Variants in SYNE3 observed in about 807,000 individuals in gnomAD.
The protein encoded by SYNE3 is nesprin-3.
In SYNE3, 100 loss-of-function variants were observed where a neutral mutation model predicts 111.2. The ratio of observed to expected loss-of-function variants is 0.90; its 90% CI spans 0.77 to 1.06. The LOEUF is 1.06. SYNE3 is among the 50% of genes least tolerant of loss of function. SYNE3 has a pLI of 0.00. For synonymous variants in SYNE3, 547 were observed against 533.9 expected, an observed-to-expected ratio of 1.02 and a Z score of -0.34; for missense variants, 1,160 against 1,240.3, an observed-to-expected ratio of 0.94 and a Z score of 0.97.
In SYNE3 at chr14:95,455,397, C is replaced by T. The variant is rs781208017; in HGVS notation, c.1117G>A (p.Ala373Thr). Residue 373 changes from alanine (A) to threonine (T), a missense_variant, in exon 6 of 18, where the codon GCA becomes ACA. By Grantham distance (58) the Ala-to-Thr change is moderately conservative (BLOSUM62 0). Coordinates refer to ENST00000682763, the MANE Select transcript of SYNE3 (RefSeq NM_152592.6). ...AKAGTEDELVAHWRRYSATRA... is the reference protein window; with the variant it reads ...AKAGTEDELVTHWRRYSATRA... ...CTTACCGAGTAGCGTCTCCAGTGTG[C>T]CACCAGCTCGTCCTCGGTCCCCGCT... 6.8e-5 allele frequency: 106 copies of T among 1,549,986 alleles called. No homozygotes were observed. The highest frequency in any genetic ancestry group is 8.8e-5 in the Non-Finnish European group (101 of 1,148,830).
At chr14:95,445,163 TC>T (rs1207070286) in intron 9 of SYNE3, among the ~76,000 whole-genome samples, 2 of 151,914 alleles carry the variant, frequency 1.3e-5, no homozygotes, top group Non-Finnish European at 1.5e-5. Context: ...CCTTTCTTCA[TC>T]CCCCCAGCTC....
chr14:95,443,284 C>A lies in SYNE3; in HGVS notation c.1782G>T (p.Leu594=). 1.2e-6 allele frequency: 2 copies of A among 1,614,208 alleles called. No homozygotes were observed. The highest frequency in any genetic ancestry group is 3.3e-4 in the Middle Eastern group (2 of 6,054). The change falls in exon 11 of 18, where the codon CTG becomes CTT. Residue 594 remains leucine (L), a synonymous_variant. Transcript: ENST00000682763. ...CCCCCAAGTCCAGCCCCTCTTCCTG[C>A]AGCCCCTGCAGTAGAGAAGGGAACA... is the stretch of plus-strand genomic sequence containing the variant. ...KQAQLSRLQG[L]QEEGLDLGAQ...
At chr14:95,480,453 C>T (rs149935604) in intron 1 of SYNE3, among the ~76,000 whole-genome samples, 1,855 of 152,268 alleles carry the variant, frequency 0.012, 13 homozygotes, top group Middle Eastern at 0.031. Flanking sequence ...GGCTTGAGAC[C>T]GAGCCCATGC....
chr14:95,475,721 T>C lies in SYNE3; in HGVS notation c.101A>G (p.Gln34Arg), dbSNP rs370244222. 2.0e-4 allele frequency: 328 copies of C among 1,604,762 alleles called. No homozygotes were observed. Among genetic ancestry groups the C allele is most frequent in the Non-Finnish European group, 2.7e-4 (316 of 1,176,322 alleles). ...QDQLQVNDNT[Q>R]GPRAALEARL... ...GGCCTCCAGGGCCGCGCGGGGTCCC[T>C]GCGTGTTGTCATTGACCTGCAGCTG... The change falls in exon 2 of 18, where the codon CAG becomes CGG. Residue 34 changes from glutamine (Q) to arginine (R), a missense_variant. Gln to Arg is a conservative substitution (Grantham distance 43, BLOSUM62 1). Coordinates refer to ENST00000682763, the MANE Select transcript of SYNE3 (RefSeq NM_152592.6).
intron 2 of SYNE3, among the ~76,000 whole-genome samples, chr14:95,475,460 C>T (rs1265560374): frequency 6.6e-6 from 1 of 152,244 alleles, no homozygotes; most frequent in Admixed American, 6.5e-5. Context: ...ATGGTATCAC[C>T]TGGAACTTGT....
chr14:95,473,406 G>T (rs1380617997), intron 2 of SYNE3, among the ~76,000 whole-genome samples: 13 of 152,108 alleles, frequency 8.5e-5, no homozygotes, highest in Non-Finnish European at 2.9e-5. Context: ...GGGCACACAG[G>T]CAGGGCTGTG....
At chr14:95,480,839 C>T (rs1271218235) in intron 1 of SYNE3, among the ~76,000 whole-genome samples, 2 of 152,252 alleles carry the variant, frequency 1.3e-5, no homozygotes, top group African/African-American at 4.8e-5. Flanking sequence ...ACGTGAGGCC[C>T]TTGTCCAAAA....
chr14:95,428,393 A>C (rs1418798625), intron 17 of SYNE3, among the ~76,000 whole-genome samples: 1 of 152,246 alleles, frequency 6.6e-6, no homozygotes, highest in Non-Finnish European at 1.5e-5. Context: ...ACATTGTAAT[A>C]AGACACCCGA....
At chr14:95,506,437 G>A (rs926503810) in intron 1 of SYNE3, among the ~76,000 whole-genome samples, 4 of 152,228 alleles carry the variant, frequency 2.6e-5, no homozygotes, top group Admixed American at 6.5e-5. Context: ...CTGTGCACAC[G>A]GGCGCAGGCT....
intron 7 of SYNE3, 140 bp downstream of exon 7, chr14:95,452,107 T>C (rs1887121205): frequency 1.8e-6 from 2 of 1,104,796 alleles, no homozygotes; most frequent in African/African-American, 3.1e-5. Context: ...TGAGAACCTC[T>C]AAAAGCCAGT....
rs1485919598 is a variant in SYNE3 at position 95,455,551 on chromosome 14, C to T, written c.963G>A (p.Glu321=). 1.2e-6 allele frequency: 2 copies of T among 1,608,176 alleles called. No individual in the cohort carries two copies. Among genetic ancestry groups the T allele is most frequent in the East Asian group, 2.2e-5 (1 of 44,772 alleles). ...KLRALWEEEE[E]RLRGLLRSRG... Reference sequence around the variant, plus strand: ...TGGACCGGAGCAGGCCCCGCAGCCGCTCCTCCTCCTCCTCCCAGAGGGCGC... The same window carrying T: ...TGGACCGGAGCAGGCCCCGCAGCCGTTCCTCCTCCTCCTCCCAGAGGGCGC... Residue 321 remains glutamate, a synonymous_variant, in exon 6 of 18, where the codon GAG becomes GAA. Transcript: ENST00000682763.
chr14:95,444,507 T>C lies in SYNE3; in HGVS notation c.1754A>G (p.Gln585Arg), dbSNP rs535952387. ...CACCTGCAACCTTGAGAGCTGGGCC[T>C]GTTTTCCAGGAAGGTCCCGCTGAAG... ...KGLQRDLPGK[Q>R]AQLSRLQGLQ... Residue 585 changes from glutamine (Q) to arginine (R), a missense_variant, in exon 10 of 18, where the codon CAG (glutamine) becomes CGG (arginine). Transcript: ENST00000682763. 2.5e-6 allele frequency: 4 copies of C among 1,612,520 alleles called. No individual in the cohort carries two copies. The African/African-American group carries it at 4.0e-5, about 16-fold the overall frequency.
chr14:95,409,232 G>A lies in SYNE3; in HGVS notation c.*8594C>T. On this transcript the variant is annotated 3_prime_UTR_variant, in exon 18 of 18. Transcript: ENST00000682763. ...CTCCCCGCCTAGCTGGCTGCTCTGA[G>A]GCAGGCTGCTGACCCTCTCCACACT... 1 of 456,696 alleles carries A rather than the reference G, an allele frequency of 2.2e-6. No homozygotes were observed. Among genetic ancestry groups the A allele is most frequent in the South Asian group, 1.5e-5 (1 of 64,574 alleles). The allele number at this position is 456,696 out of a possible 1,614,324, so 28.3% of individuals were successfully genotyped here.
At chr14:95,441,895 A>G (rs1886436276) in intron 11 of SYNE3, among the ~76,000 whole-genome samples, 1 of 152,206 alleles carries the variant, frequency 6.6e-6, no homozygotes, top group Admixed American at 6.5e-5. Context: ...GTGGAGTGAG[A>G]GGGATGGGTG....
chr14:95,420,815 AG>A (rs936539555), intron 17 of SYNE3, among the ~76,000 whole-genome samples: 1 of 151,138 alleles, frequency 6.6e-6, no homozygotes, highest in African/African-American at 2.5e-5. Flanking sequence ...CAAAGAGAGA[AG>A]GGGCTTCCTC....
In SYNE3 at chr14:95,407,935, G is replaced by A. The variant is rs1307317113; in HGVS notation, c.*9891C>T. The A allele has an allele frequency of 6.6e-6, 1 of 152,128 alleles. No individual in the cohort carries two copies. Among genetic ancestry groups the A allele is most frequent in the East Asian group, 1.9e-4 (1 of 5,186 alleles). The allele number at this position is 152,128 out of a possible 1,614,324, so 9.4% of individuals were successfully genotyped here. A position where few individuals can be genotyped will look rare whatever the true frequency, so the allele number is the denominator to read the frequency against. On this transcript the variant is annotated 3_prime_UTR_variant, in exon 18 of 18. Transcript: ENST00000682763. ...GTTTGCTCACATAGACTTAGCTTAG[G>A]GTAGAGTGAACTTGTTTATGAGAAC...
In SYNE3 at chr14:95,445,985, A is replaced by C. The variant is rs147178428; in HGVS notation, c.1556T>G (p.Leu519Arg). ...CCTCATGGAACCTGCCACCTGCTCC[A>C]GGAGTGCCGTGGCTCTCTCCTGGCC... ...IFGQERATAL[L>R]EQVAGSMRDR... Residue 519 changes from leucine to arginine, a missense_variant, in exon 9 of 18, where the codon CTG becomes CGG. Physicochemically the swap from Leu to Arg is moderately radical, Grantham distance 102. Coordinates refer to ENST00000682763, the MANE Select transcript of SYNE3 (RefSeq NM_152592.6). 3.8e-5 allele frequency: 61 copies of C among 1,614,150 alleles called. No homozygotes were observed. In the African/African-American group the frequency reaches 6.4e-4, roughly 17 times the overall value.
At chr14:95,442,240 C>G (rs1446943864) in intron 11 of SYNE3, among the ~76,000 whole-genome samples, 3 of 152,218 alleles carry the variant, frequency 2.0e-5, no homozygotes, top group Admixed American at 2.0e-4. Flanking sequence ...TTGCGGCTGT[C>G]ACACAGGGAG....
chr14:95,463,155 T>A (rs1324089075), intron 4 of SYNE3, among the ~76,000 whole-genome samples: 1 of 151,764 alleles, frequency 6.6e-6, no homozygotes, highest in African/African-American at 2.4e-5. Context: ...AAACTCAGTC[T>A]CAAAATAAAA....
Sources: gnomAD v4.1 joint callset for allele counts (sites outside exome capture counted in the v4.1 genomes callset) on GRCh38, gnomAD v4.1.1 for gene constraint, MANE v1.5 for transcripts, NCBI Gene and HGNC (gene_info 2026-07-23, HGNC 2026-07-21) for gene names.